Variants in DLG2 observed in about 807,000 individuals in gnomAD.
DLG2 encodes discs large MAGUK scaffold protein 2, also known as disks large homolog 2.
In DLG2, 45 loss-of-function variants were observed where a neutral mutation model predicts 132.5. The observed-to-expected ratio is 0.34, with a 90% CI of 0.27 to 0.44. The LOEUF (loss-of-function observed/expected upper bound fraction) is 0.44. Among genes scored for constraint, DLG2 ranks in the 20% least tolerant of loss-of-function variants. The pLI is 1.00. For synonymous variants in DLG2, 424 were observed against 419.6 expected, an observed-to-expected ratio of 1.01 and a Z score of -0.13; for missense variants, 1,045 against 1,196.9, an observed-to-expected ratio of 0.87 and a Z score of 1.87.
intron 10 of DLG2, among the ~76,000 whole-genome samples, chr11:84,089,734 T>G (rs1029577275): frequency 5.9e-5 from 9 of 151,672 alleles, no homozygotes; most frequent in Non-Finnish European, 1.2e-4. Context: ...AGAAAACTTC[T>G]TTTTTTTTAT....
At chr11:84,112,417 A>T (rs139342747) in intron 9 of DLG2, among the ~76,000 whole-genome samples, 1 of 134,838 alleles carries the variant, frequency 7.4e-6, no homozygotes, top group East Asian at 2.2e-4. Context: ...ATCAGTTTAG[A>T]TGTTCCTGCT....
chr11:83,493,532 T>C (rs890312269), intron 21 of DLG2, among the ~76,000 whole-genome samples: 2 of 152,144 alleles, frequency 1.3e-5, no homozygotes, highest in African/African-American at 4.8e-5. Flanking sequence ...CCTTAGAACA[T>C]GTACATATAG....
intron 10 of DLG2, among the ~76,000 whole-genome samples, chr11:84,088,630 C>G (rs2097033789): frequency 6.6e-6 from 1 of 152,168 alleles, no homozygotes; most frequent in Admixed American, 6.5e-5. Context: ...CCAGTCACCA[C>G]AGAACCACTT....
chr11:84,700,360 C>T (rs1273030654), intron 6 of DLG2, among the ~76,000 whole-genome samples: 1 of 150,972 alleles, frequency 6.6e-6, no homozygotes, highest in Admixed American at 6.6e-5. Flanking sequence ...TAGCAAGCAA[C>T]AAAAGCAGTC....
chr11:84,731,223 C>T (rs755027981), intron 6 of DLG2, among the ~76,000 whole-genome samples: 9 of 152,002 alleles, frequency 5.9e-5, no homozygotes, highest in Non-Finnish European at 1.0e-4. Context: ...TGGTTGACGA[C>T]GTTAGCACAT....
At chr11:84,217,381 T>G (rs1316321922) in intron 8 of DLG2, among the ~76,000 whole-genome samples, 1 of 152,164 alleles carries the variant, frequency 6.6e-6, no homozygotes, top group East Asian at 1.9e-4. Context: ...TCTGATGGCT[T>G]TATAAAGGGG....
intron 10 of DLG2, among the ~76,000 whole-genome samples, chr11:84,069,049 A>T (rs1355396349): frequency 6.6e-6 from 1 of 152,146 alleles, no homozygotes; most frequent in Non-Finnish European, 1.5e-5. Context: ...AATCTAGATC[A>T]ATCTTTCTCA....
At chr11:83,579,076 C>T (rs933036673) in intron 19 of DLG2, among the ~76,000 whole-genome samples, 15 of 152,178 alleles carry the variant, frequency 9.9e-5, no homozygotes, top group Non-Finnish European at 1.8e-4. Context: ...ATAACAGCTC[C>T]CTGGTAGGGA....
At chr11:83,909,851 T>C (rs1387597557) in intron 15 of DLG2, among the ~76,000 whole-genome samples, 1 of 152,100 alleles carries the variant, frequency 6.6e-6, no homozygotes, top group East Asian at 1.9e-4. Context: ...TCTGAGACAT[T>C]TGATACAGGT....
chr11:84,477,674 C>G (rs1417971064), intron 7 of DLG2, among the ~76,000 whole-genome samples: 1 of 152,072 alleles, frequency 6.6e-6, no homozygotes, highest in Non-Finnish European at 1.5e-5. Flanking sequence ...ACATGAGAGC[C>G]TATTCAAATA....
chr11:84,659,384 G>T (rs886653048), intron 6 of DLG2, among the ~76,000 whole-genome samples: 1 of 151,924 alleles, frequency 6.6e-6, no homozygotes, highest in Non-Finnish European at 1.5e-5. Flanking sequence ...TTTGCTCTAG[G>T]TCTAGACTGG....
At chr11:84,886,191 G>A (rs1009846328) in intron 6 of DLG2, among the ~76,000 whole-genome samples, 2 of 152,084 alleles carry the variant, frequency 1.3e-5, no homozygotes, top group African/African-American at 2.4e-5. Flanking sequence ...TTGCTAGAGT[G>A]TAACAGGTTT....
rs536781471 is a variant in DLG2 at position 83,522,842 on chromosome 11, A to C, written c.2193+9866T>G. 3.0e-3 allele frequency among the ~76,000 whole-genome samples: 441 copies of C among 145,088 alleles called. 3 individuals carry two copies. Among genetic ancestry groups the C allele is most frequent in the Middle Eastern group, 0.01 (3 of 288 alleles). ...TTTTTTTTTAATCAAAATGCAAGGT[A>C]ATTAGGTATTTTTATAAATATTAAG... On this transcript the variant is annotated intron_variant, in intron 21 of 27. Coordinates refer to ENST00000376104, the MANE Select transcript of DLG2 (RefSeq NM_001142699.3).
At chr11:83,970,333 C>G (rs1384441497) in intron 12 of DLG2, among the ~76,000 whole-genome samples, 1 of 151,972 alleles carries the variant, frequency 6.6e-6, no homozygotes, top group African/African-American at 2.4e-5. Flanking sequence ...AGTCTTCAGA[C>G]CACGAGGAAA....
intron 21 of DLG2, among the ~76,000 whole-genome samples, chr11:83,517,826 C>G (rs55939948): frequency 0.012 from 1,759 of 152,290 alleles, 39 homozygotes; most frequent in African/African-American, 0.04. Context: ...GCAGAGGCTG[C>G]AGAACAGCGG....
At chr11:83,819,685 G>C (rs1465000462) in intron 17 of DLG2, among the ~76,000 whole-genome samples, 1 of 151,892 alleles carries the variant, frequency 6.6e-6, no homozygotes, top group Non-Finnish European at 1.5e-5. Flanking sequence ...CAGCAACATT[G>C]GTCCATCAGG....
At chr11:84,038,396 A>G (rs2095936266) in intron 11 of DLG2, among the ~76,000 whole-genome samples, 1 of 152,116 alleles carries the variant, frequency 6.6e-6, no homozygotes, top group Admixed American at 6.6e-5. Flanking sequence ...CATGAAAAAA[A>G]GCTCAACATC....
chr11:83,969,375 T>C (rs1051140171), intron 12 of DLG2, among the ~76,000 whole-genome samples: 1 of 152,198 alleles, frequency 6.6e-6, no homozygotes, highest in East Asian at 1.9e-4. Context: ...GGAATCATTA[T>C]ATTTCCTGCT....
chr11:84,491,243 CA>C (rs754156559), intron 7 of DLG2, among the ~76,000 whole-genome samples: 5 of 151,976 alleles, frequency 3.3e-5, no homozygotes, highest in Non-Finnish European at 7.4e-5. Context: ...ATAAGTGAAT[CA>C]GGGGCAGGTC....
Sources: gnomAD v4.1 joint callset for allele counts (sites outside exome capture counted in the v4.1 genomes callset) on GRCh38, gnomAD v4.1.1 for gene constraint, MANE v1.5 for transcripts, NCBI Gene and HGNC (gene_info 2026-07-23, HGNC 2026-07-21) for gene names.